Variants in TMEM65 observed in about 807,000 individuals in gnomAD.
The protein encoded by TMEM65 is transmembrane protein 65.
In TMEM65, 22 loss-of-function variants were observed where a neutral mutation model predicts 25.4. That is an observed-to-expected ratio of 0.86 (90% CI 0.62 to 1.23). The LOEUF is 1.23. Among genes scored for constraint, TMEM65 ranks in the 50% most tolerant of loss-of-function variants. TMEM65 has a pLI of 0.00. For missense variants in TMEM65, 262 were observed against 308.2 expected (o/e 0.85, Z 1.12); for synonymous variants, 132 against 126.2 (o/e 1.05, Z -0.31).
chr8:124,318,362 TG>T (rs1263167164), intron 6 of TMEM65, among the ~76,000 whole-genome samples: 45 of 99,830 alleles, frequency 4.5e-4, no homozygotes, highest in South Asian at 1.1e-3. Flanking sequence ...TGAATTTGCA[TG>T]TTTTTGTTTT....
chr8:124,306,571 G>C lies in TMEM65; in HGVS notation c.*7389C>G, dbSNP rs1814093767. Reference sequence around the variant, plus strand: ...AGAAATACTGAAAAACTAAGAAAAAGGTGTGTCATGAATTCATATAATATA... The same window carrying C: ...AGAAATACTGAAAAACTAAGAAAAACGTGTGTCATGAATTCATATAATATA... On this transcript the variant is annotated 3_prime_UTR_variant, in exon 7 of 7. Transcript: ENST00000297632. 6.6e-6 allele frequency: 1 copy of C among 151,896 alleles called. No homozygotes were observed. The highest frequency in any genetic ancestry group is 1.5e-5 in the Non-Finnish European group (1 of 68,002). 9.4% of individuals were successfully genotyped at this position (151,896 alleles called of 1,614,324 possible).
rs552518985 is a variant in TMEM65, at chr8:124,347,536, T to C, written c.305-16744A>G. Among the ~76,000 whole-genome samples the C allele has an allele frequency of 5.3e-5, 8 of 152,320 alleles. No homozygotes were observed. The South Asian group carries it at 1.2e-3, about 24-fold the overall frequency. ...ACCAAAAGCCCAGACCTCATCACTATACAATTCATCCAGGTAACTACAAAC... is the reference window on the plus strand; with the variant it reads ...ACCAAAAGCCCAGACCTCATCACTACACAATTCATCCAGGTAACTACAAAC... On this transcript the variant is annotated intron_variant, in intron 1 of 6. Transcript: ENST00000297632.
chr8:124,358,867 T>A (rs1046655771), intron 1 of TMEM65, among the ~76,000 whole-genome samples: 2 of 152,130 alleles, frequency 1.3e-5, no homozygotes, highest in African/African-American at 4.8e-5. Flanking sequence ...TCGCAGCAAA[T>A]GGGGTGCTTC....
chr8:124,317,673 T>C (rs1026223990), intron 6 of TMEM65, among the ~76,000 whole-genome samples: 1 of 152,160 alleles, frequency 6.6e-6, no homozygotes, highest in Non-Finnish European at 1.5e-5. Flanking sequence ...CATAATCTCC[T>C]CCCCTTGAGC....
chr8:124,368,085 T>C (rs1017573365), intron 1 of TMEM65, among the ~76,000 whole-genome samples: 1 of 151,410 alleles, frequency 6.6e-6, no homozygotes, highest in Admixed American at 6.6e-5. Context: ...TGATGAGCAT[T>C]AATTACACCA....
At position 124,318,381 on chromosome 8, in the gene TMEM65, T is replaced by G. The variant is rs867363299; in HGVS notation, c.621+1705A>C. 3.0e-3 allele frequency among the ~76,000 whole-genome samples: 382 copies of G among 129,434 alleles called. 12 individuals are homozygous for G. Among genetic ancestry groups the G allele is most frequent in the African/African-American group, 0.011 (362 of 33,370 alleles). 84.9% of individuals were successfully genotyped at this position (129,434 alleles called of 152,430 possible). Reference sequence around the variant, plus strand: ...TTTGCATGTTTTTGTTTTTTTTTTTTTTTTTTTTTTTGAGATGGAGTCTCA... The same window carrying G: ...TTTGCATGTTTTTGTTTTTTTTTTTGTTTTTTTTTTTGAGATGGAGTCTCA... On this transcript the variant is annotated intron_variant, in intron 6 of 6. Transcript: ENST00000297632.
Position 124,312,476 on chromosome 8 carries a change from TTAAAA to T in TMEM65, c.*1479_*1483del, listed in dbSNP as rs925341371. 6 of 151,978 alleles carry T rather than the reference TTAAAA, an allele frequency of 3.9e-5. No individual in the cohort carries two copies. Among genetic ancestry groups the T allele is most frequent in the African/African-American group, 7.2e-5 (3 of 41,418 alleles). The allele number at this position is 151,978 out of a possible 1,614,324, so 9.4% of individuals were successfully genotyped here. On this transcript the variant is annotated 3_prime_UTR_variant, in exon 7 of 7. Transcript: ENST00000297632. The stretch of plus-strand genomic sequence containing the variant: ...AAAGTAATTATGTATAAATAAAACC[TTAAAA>T]TAAACTGCTGTAAAACCTCTGCATC...
At chr8:124,326,056 T>C (rs1814362374) in intron 3 of TMEM65, among the ~76,000 whole-genome samples, 1 of 152,012 alleles carries the variant, frequency 6.6e-6, no homozygotes, top group Admixed American at 6.6e-5. Context: ...CTCCTACACT[T>C]TAGCTATCAT....
At chr8:124,342,832 A>T (rs1387710208) in intron 1 of TMEM65, among the ~76,000 whole-genome samples, 1 of 152,126 alleles carries the variant, frequency 6.6e-6, no homozygotes, top group Non-Finnish European at 1.5e-5. Flanking sequence ...GATAATAAAA[A>T]ACCTCAGGTA....
chr8:124,319,618 C>T (rs1212784847), intron 6 of TMEM65, among the ~76,000 whole-genome samples: 1 of 151,874 alleles, frequency 6.6e-6, no homozygotes, highest in Non-Finnish European at 1.5e-5. Flanking sequence ...ATTCAAAAAT[C>T]GGCTTAGATC....
chr8:124,358,813 G>T (rs919970605), intron 1 of TMEM65, among the ~76,000 whole-genome samples: 1 of 152,170 alleles, frequency 6.6e-6, no homozygotes, highest in Non-Finnish European at 1.5e-5. Flanking sequence ...AGAAACAAGC[G>T]GCCAAGTGAG....
chr8:124,340,591 T>C (rs1457328110), intron 1 of TMEM65, among the ~76,000 whole-genome samples: 1 of 152,170 alleles, frequency 6.6e-6, no homozygotes, highest in African/African-American at 2.4e-5. Flanking sequence ...AATAAACTTA[T>C]GTTATCTCTA....
rs2131186727 is a variant in TMEM65, at chr8:124,307,444, AC to A, written c.*6515del. The A allele has an allele frequency of 6.8e-6, 1 of 146,252 alleles. No homozygotes were observed. Among genetic ancestry groups the A allele is most frequent in the South Asian group, 2.2e-4 (1 of 4,514 alleles). 9.1% of individuals were successfully genotyped at this position (146,252 alleles called of 1,614,324 possible). On this transcript the variant is annotated 3_prime_UTR_variant, in exon 7 of 7. Transcript: ENST00000297632. ...CAAGATAAATGAATCCAGCATAAGG[AC>A]CACTGTTAAAAAAAATTAAGAAAAT...
At chr8:124,352,016 T>G (rs1000349723) in intron 1 of TMEM65, among the ~76,000 whole-genome samples, 1 of 152,234 alleles carries the variant, frequency 6.6e-6, no homozygotes, top group Non-Finnish European at 1.5e-5. Context: ...CACACCTACA[T>G]GCTTTGCTGT....
chr8:124,350,553 G>C (rs1409775849), intron 1 of TMEM65, among the ~76,000 whole-genome samples: 2 of 151,588 alleles, frequency 1.3e-5, no homozygotes, highest in African/African-American at 4.8e-5. Flanking sequence ...CAAGCTGAAT[G>C]GTGGATGAAT....
chr8:124,350,952 T>C (rs1814698850), intron 1 of TMEM65: 3 of 984,042 alleles, frequency 3.0e-6, no homozygotes, highest in Admixed American at 1.2e-4. Flanking sequence ...AACAGAAAAA[T>C]TAGGCAGTCT....
intron 2 of TMEM65, 77 bp from the exon 3 acceptor site, chr8:124,327,498 A>G: frequency 1.1e-6 from 1 of 933,636 alleles, no homozygotes; most frequent in Non-Finnish European, 1.6e-6. Context: ...TGATATGATC[A>G]AAGTATCCTA....
At chr8:124,349,403 A>C (rs760026225) in intron 1 of TMEM65, among the ~76,000 whole-genome samples, 5 of 152,168 alleles carry the variant, frequency 3.3e-5, no homozygotes, top group Non-Finnish European at 7.4e-5. Context: ...ATAGTTACCA[A>C]ATAAAATGTT....
At chr8:124,316,349 T>G (rs926486383) in intron 6 of TMEM65, among the ~76,000 whole-genome samples, 79 of 152,208 alleles carry the variant, frequency 5.2e-4, no homozygotes, top group East Asian at 5.8e-4. Flanking sequence ...ACAAGTGAGG[T>G]TTTAAAATAC....
Sources: allele counts gnomAD v4.1 joint callset (sites outside exome capture counted in the v4.1 genomes callset), GRCh38; gene constraint gnomAD v4.1.1; transcripts MANE v1.5; gene names NCBI Gene and HGNC (gene_info 2026-07-23, HGNC 2026-07-21).